Variants in ANKAR observed in about 807,000 individuals in gnomAD.
ANKAR encodes the protein ankyrin and armadillo repeat-containing protein.
ANKAR carries 136 observed loss-of-function variants against 146.2 expected under a neutral mutation model. The ratio of observed to expected loss-of-function variants is 0.93; its 90% CI spans 0.81 to 1.07. ANKAR has a LOEUF of 1.07. Among genes scored for constraint, ANKAR ranks in the 50% least tolerant of loss-of-function variants. The probability of loss-of-function intolerance (pLI) is 0.00; values close to 1 mark genes in which losing one functional copy is unlikely to be tolerated. For synonymous variants in ANKAR, 500 were observed against 575.8 expected (o/e 0.87, Z 1.88); for missense variants, 1,567 against 1,679.9 (o/e 0.93, Z 1.18).
At chr2:189,685,576 G>T (rs1326119454) in intron 2 of ANKAR, among the ~76,000 whole-genome samples, 1 of 152,094 alleles carries the variant, frequency 6.6e-6, no homozygotes, top group Non-Finnish European at 1.5e-5. Context: ...CTCCTCACCT[G>T]CCTGGCGATC....
chr2:189,720,398 C>T (rs766335248), intron 11 of ANKAR, among the ~76,000 whole-genome samples: 1 of 152,070 alleles, frequency 6.6e-6, no homozygotes, highest in Non-Finnish European at 1.5e-5. Context: ...CAGGCACGTG[C>T]CACCACGCCT....
intron 10 of ANKAR, among the ~76,000 whole-genome samples, chr2:189,716,478 T>G (rs547809502): frequency 6.6e-6 from 1 of 152,168 alleles, no homozygotes; most frequent in African/African-American, 2.4e-5. Flanking sequence ...TGCTCATGGA[T>G]AGGAAGAATC....
At chr2:189,737,583 A>T in intron 17 of ANKAR, 100 bp from the exon 18 acceptor site, 1 of 1,048,268 alleles carries the variant, frequency 9.5e-7, no homozygotes, top group Non-Finnish European at 1.3e-6. Flanking sequence ...TCCCAGTGAT[A>T]AGAATGCAAT....
chr2:189,706,743 G>C (rs1160649385), intron 8 of ANKAR, among the ~76,000 whole-genome samples, 195 bp from the exon 9 acceptor site: 1 of 152,142 alleles, frequency 6.6e-6, no homozygotes, highest in African/African-American at 2.4e-5. Flanking sequence ...TGGGGAGGTG[G>C]GTAGGGTCCC....
At chr2:189,720,532 C>T (rs1574613245) in intron 11 of ANKAR, 87 bp from the exon 12 acceptor site, 2 of 974,788 alleles carry the variant, frequency 2.1e-6, no homozygotes, top group South Asian at 3.7e-5. Flanking sequence ...AGGCGTGAGC[C>T]ACCACTTCCG....
chr2:189,696,305 T>G lies in ANKAR; in HGVS notation c.1644T>G (p.Ile548Met), dbSNP rs777298378. ...CTGCCCTGCACAACAGAGTTTCTAT[T>G]ATATGTCAACTGTGCAATGCTAACT... is the stretch of plus-strand genomic sequence containing the variant. Reference protein sequence around the residue: ...HHAALHNRVSIICQLCNANFK... With the variant: ...HHAALHNRVSMICQLCNANFK... Residue 548 changes from isoleucine (I) to methionine (M), a missense_variant, in exon 7 of 23, where the codon ATT becomes ATG. Coordinates refer to ENST00000684021, the MANE Select transcript of ANKAR (RefSeq NM_001378068.1). 1 of 1,614,088 alleles carries G rather than the reference T, an allele frequency of 6.2e-7. No individual in the cohort carries two copies.
chr2:189,695,286 CCACATTTTAGT>C, intron 6 of ANKAR, 125 bp downstream of exon 6: 1 of 797,144 alleles, frequency 1.3e-6, no homozygotes, highest in Non-Finnish European at 1.8e-6. Flanking sequence ...AAATAAAATG[CCACATTTTAGT>C]AGCTGAAAGG....
intron 12 of ANKAR, 147 bp from the exon 13 acceptor site, chr2:189,727,709 C>T (rs1021825777): frequency 2.1e-6 from 2 of 946,580 alleles, no homozygotes; most frequent in Non-Finnish European, 3.0e-6. Flanking sequence ...GTAAATCTAG[C>T]CAGTTTTGTT....
chr2:189,685,582 C>T (rs964401688), intron 2 of ANKAR, among the ~76,000 whole-genome samples: 1 of 152,168 alleles, frequency 6.6e-6, no homozygotes, highest in Middle Eastern at 3.2e-3. Flanking sequence ...ACCTGCCTGG[C>T]GATCCTTGCT....
intron 7 of ANKAR, among the ~76,000 whole-genome samples, chr2:189,700,334 T>A (rs919981882): frequency 6.6e-6 from 1 of 152,200 alleles, no homozygotes; most frequent in Admixed American, 6.5e-5. Flanking sequence ...GTATAATTCT[T>A]ATTTTTGCTT....
At chr2:189,746,047 T>C (rs1226619360) in intron 22 of ANKAR, among the ~76,000 whole-genome samples, 2 of 152,244 alleles carry the variant, frequency 1.3e-5, no homozygotes, top group Non-Finnish European at 2.9e-5. Context: ...GTAGCACGTT[T>C]CTGATAAAAT....
At chr2:189,719,142 CA>C (rs1387201926) in intron 10 of ANKAR, among the ~76,000 whole-genome samples, 1 of 152,184 alleles carries the variant, frequency 6.6e-6, no homozygotes, top group African/African-American at 2.4e-5. Flanking sequence ...TTGTTTTTCA[CA>C]TCCTTGTATA....
intron 9 of ANKAR, among the ~76,000 whole-genome samples, chr2:189,710,297 AT>A (rs5837159): frequency 0.98 from 149,449 of 152,304 alleles, 73,383 homozygotes; most frequent in South Asian, 1. Context: ...TATTTAAAGT[AT>A]CTTTTTTATA....
chr2:189,709,686 T>C (rs1032906977), intron 9 of ANKAR, among the ~76,000 whole-genome samples: 2 of 152,214 alleles, frequency 1.3e-5, no homozygotes, highest in Admixed American at 1.3e-4. Context: ...GACGTTGGAA[T>C]TTACTAGGTA....
intron 12 of ANKAR, among the ~76,000 whole-genome samples, chr2:189,725,273 G>T: frequency 3.0e-5 from 3 of 99,332 alleles, no homozygotes; most frequent in Non-Finnish European, 1.9e-5. Context: ...TATATATATG[G>T]ATTTATACAC....
At chr2:189,688,733 C>T (rs545468084) in intron 2 of ANKAR, among the ~76,000 whole-genome samples, 12 of 152,268 alleles carry the variant, frequency 7.9e-5, no homozygotes, top group Admixed American at 6.5e-5. Context: ...CAAACATGCA[C>T]GTTACATATG....
At chr2:189,751,006 TAA>T (rs1450772556), downstream of ANKAR, among the ~76,000 whole-genome samples, 1 of 152,228 alleles carries the variant, frequency 6.6e-6, no homozygotes, top group Non-Finnish European at 1.5e-5. Flanking sequence ...GCCACACAGC[TAA>T]AGTCAAACCT....
chr2:189,681,404 T>A (rs1453407673), intron 2 of ANKAR, among the ~76,000 whole-genome samples: 1 of 152,166 alleles, frequency 6.6e-6, no homozygotes, highest in Non-Finnish European at 1.5e-5. Context: ...CAGGATCTGG[T>A]CTATTTCACC....
At chr2:189,721,411 C>G (rs1477969030) in intron 12 of ANKAR, among the ~76,000 whole-genome samples, 1 of 152,142 alleles carries the variant, frequency 6.6e-6, no homozygotes, top group Non-Finnish European at 1.5e-5. Context: ...TTTAAAAATA[C>G]ATATAATATG....
Sources: gnomAD v4.1 joint callset for allele counts (sites outside exome capture counted in the v4.1 genomes callset) on GRCh38, gnomAD v4.1.1 for gene constraint, MANE v1.5 for transcripts, NCBI Gene and HGNC (gene_info 2026-07-23, HGNC 2026-07-21) for gene names.